The following GFOD1 variants were observed in gnomAD, a reference collection of about 807,000 sequenced individuals.
The protein encoded by GFOD1 is glucose-fructose oxidoreductase domain-containing protein 1.
A neutral mutation model predicts 25.4 loss-of-function variants in GFOD1; 9 were observed. The observed-to-expected ratio is 0.35, with a 90% CI of 0.21 to 0.62. The LOEUF (loss-of-function observed/expected upper bound fraction) is 0.62. Among genes scored for constraint, GFOD1 ranks in the 20% least tolerant of loss-of-function variants. The probability of loss-of-function intolerance (pLI) is 0.72; values close to 1 mark genes in which losing one functional copy is unlikely to be tolerated. For missense variants in GFOD1, 403 were observed against 556.9 expected (o/e 0.72, Z 2.78); for synonymous variants, 253 against 245.6 (o/e 1.03, Z -0.28).
At chr6:13,449,123 C>CA (rs893351463) in intron 1 of GFOD1, among the ~76,000 whole-genome samples, 20 of 151,790 alleles carry the variant, frequency 1.3e-4, no homozygotes, top group South Asian at 4.2e-4. Flanking sequence ...ACCGTCTCTA[C>CA]AAAAAAAACA....
intron 1 of GFOD1, among the ~76,000 whole-genome samples, chr6:13,409,304 G>A (rs1786025835): frequency 6.0e-5 from 2 of 33,480 alleles, no homozygotes; most frequent in Non-Finnish European, 1.9e-4. Flanking sequence ...AAGGAAGAAA[G>A]GAAGGAAGGA....
chr6:13,475,680 T>C (rs145641034), intron 1 of GFOD1, among the ~76,000 whole-genome samples: 19,985 of 150,190 alleles, frequency 0.13, 2,293 homozygotes, highest in African/African-American at 0.31. Flanking sequence ...ATTACGCCAT[T>C]GCACTCCAGC....
intron 1 of GFOD1, among the ~76,000 whole-genome samples, chr6:13,391,511 C>CAAAAAAAAAAAAA (rs57340590): frequency 1.9e-3 from 202 of 108,608 alleles, no homozygotes; most frequent in Non-Finnish European, 2.1e-3. Context: ...AACAAACAAA[C>CAAAAAAAAAAAAA]AAAAAAAAAA....
intron 1 of GFOD1, among the ~76,000 whole-genome samples, chr6:13,390,814 A>AGGAAGGAAGGAG (rs1785587507): frequency 6.6e-6 from 1 of 151,622 alleles, no homozygotes; most frequent in East Asian, 1.9e-4. Context: ...GAAGGAAGGA[A>AGGAAGGAAGGAG]GGAAGGAAGG....
rs891221397 is a variant in GFOD1, at chr6:13,398,405, T to C, written c.254-32743A>G. Among the ~76,000 whole-genome samples the C allele has an allele frequency of 5.9e-5, 9 of 152,328 alleles. 1 individual carries two copies. The South Asian group carries it at 1.2e-3, about 21-fold the overall frequency. On this transcript the variant is annotated intron_variant, in intron 1 of 1. Coordinates refer to ENST00000379287, the MANE Select transcript of GFOD1 (RefSeq NM_018988.4). Reference sequence around the variant, plus strand: ...CCTTTTGAAATGTTCCAAATCTTGATTGGTGGTGATTTGAGTGTACGCATT... The same window carrying C: ...CCTTTTGAAATGTTCCAAATCTTGACTGGTGGTGATTTGAGTGTACGCATT...
In GFOD1 at chr6:13,486,723, A is replaced by G; in HGVS notation, c.168T>C (p.Asp56=). 1.2e-6 allele frequency: 2 copies of G among 1,614,056 alleles called. No homozygotes were observed. ...MSVPFYTSRI[D]EVLLHQDVDL... ...CCACGTCCTGATGCAGCAGCACCTC[A>G]TCAATGCGGCTAGTGTAGAAGGGGA... Residue 56 remains aspartate, a synonymous_variant, in exon 1 of 2, where the codon GAT becomes GAC. Coordinates refer to ENST00000379287, the MANE Select transcript of GFOD1 (RefSeq NM_018988.4).
intron 1 of GFOD1, among the ~76,000 whole-genome samples, chr6:13,482,872 T>A (rs997876614): frequency 6.6e-6 from 1 of 151,814 alleles, no homozygotes; most frequent in Non-Finnish European, 1.5e-5. Flanking sequence ...TATTTGTGTA[T>A]CTCTATGTAA....
rs542843259 is a variant in GFOD1 at position 13,401,798 on chromosome 6, T to C, written c.254-36136A>G. 3.3e-5 allele frequency among the ~76,000 whole-genome samples: 5 copies of C among 152,348 alleles called. No individual in the cohort carries two copies. In the South Asian group the frequency reaches 1.0e-3, roughly 32 times the overall value. ...CAATTGCTATCAAAATTCCAGTTGC[T>C]TTCTATGTAGAAATTCACAAGCTGG... On this transcript the variant is annotated intron_variant, in intron 1 of 1. Coordinates refer to ENST00000379287, the MANE Select transcript of GFOD1 (RefSeq NM_018988.4).
intron 1 of GFOD1, among the ~76,000 whole-genome samples, chr6:13,440,344 A>G (rs1267104632): frequency 3.3e-5 from 5 of 151,810 alleles, no homozygotes; most frequent in South Asian, 2.1e-4. Flanking sequence ...ACCCACCACC[A>G]CGCTCAGCTA....
intron 1 of GFOD1, among the ~76,000 whole-genome samples, chr6:13,389,955 A>T (rs934567743): frequency 6.6e-6 from 1 of 151,928 alleles, no homozygotes; most frequent in Non-Finnish European, 1.5e-5. Context: ...CTCAGTCATC[A>T]AGTTCAAACA....
At chr6:13,478,419 G>T (rs1758675937) in intron 1 of GFOD1, among the ~76,000 whole-genome samples, 1 of 152,190 alleles carries the variant, frequency 6.6e-6, no homozygotes, top group African/African-American at 2.4e-5. Context: ...GATTACAGGC[G>T]TGGCCATCAC....
chr6:13,419,764 G>A (rs775444328), intron 1 of GFOD1, among the ~76,000 whole-genome samples: 2 of 152,052 alleles, frequency 1.3e-5, no homozygotes, highest in African/African-American at 4.8e-5. Context: ...CACCCCCTTC[G>A]CACTCACTGT....
At chr6:13,381,925 A>ATG (rs1239429113) in intron 1 of GFOD1, among the ~76,000 whole-genome samples, 96 of 139,062 alleles carry the variant, frequency 6.9e-4, no homozygotes, top group Non-Finnish European at 8.6e-4. Context: ...GCACACACAC[A>ATG]CACACACACA....
At position 13,359,465 on chromosome 6, in the gene GFOD1, T is replaced by C. The variant is rs1310121316; in HGVS notation, c.*5278A>G. 6.6e-6 allele frequency: 1 copy of C among 152,122 alleles called. No individual in the cohort carries two copies. Among genetic ancestry groups the C allele is most frequent in the African/African-American group, 2.4e-5 (1 of 41,402 alleles). 9.4% of individuals were successfully genotyped at this position (152,122 alleles called of 1,614,324 possible). ...TTAATATCTAGGAGTGGGGTGGGGA[T>C]GCAGGTGGAGGGTGAGCCAAGTAGA... is the stretch of plus-strand genomic sequence containing the variant. On this transcript the variant is annotated 3_prime_UTR_variant, in exon 2 of 2. Coordinates refer to ENST00000379287, the MANE Select transcript of GFOD1 (RefSeq NM_018988.4).
intron 1 of GFOD1, among the ~76,000 whole-genome samples, chr6:13,408,374 C>T (rs774859408): frequency 2.6e-5 from 4 of 152,166 alleles, no homozygotes; most frequent in Non-Finnish European, 5.9e-5. Flanking sequence ...TCCAGTGGAA[C>T]TTTGAGGAGG....
intron 1 of GFOD1, among the ~76,000 whole-genome samples, chr6:13,374,539 C>G (rs1785219923): frequency 6.6e-6 from 1 of 151,782 alleles, no homozygotes; most frequent in Non-Finnish European, 1.5e-5. Flanking sequence ...CTCCTGACCT[C>G]AAGTGATCTG....
intron 1 of GFOD1, among the ~76,000 whole-genome samples, chr6:13,401,387 G>A (rs73725806): frequency 0.071 from 5,258 of 74,024 alleles, 226 homozygotes; most frequent in African/African-American, 0.15. Flanking sequence ...ATTGTCATGG[G>A]TCCAGTAGTG....
At chr6:13,385,827 A>C (rs1319127960) in intron 1 of GFOD1, among the ~76,000 whole-genome samples, 1 of 152,220 alleles carries the variant, frequency 6.6e-6, no homozygotes, top group African/African-American at 2.4e-5. Context: ...GCACTTATAG[A>C]GTACATTAAA....
Position 13,361,113 on chromosome 6 carries a change from G to A in GFOD1, c.*3630C>T. The A allele has an allele frequency of 2.9e-6, 1 of 344,968 alleles. No individual in the cohort carries two copies. Among genetic ancestry groups the A allele is most frequent in the East Asian group, 7.7e-5 (1 of 12,988 alleles). 21.4% of individuals were successfully genotyped at this position (344,968 alleles called of 1,614,324 possible). A position where few individuals can be genotyped will look rare whatever the true frequency, so the allele number is the denominator to read the frequency against. On this transcript the variant is annotated 3_prime_UTR_variant, in exon 2 of 2. Transcript: ENST00000379287. ...CAAGTCTTGGAGTTGGCCAGTCTTG[G>A]AGTTGGCCAAGACTACCCTAGAGTC...
Sources: allele counts gnomAD v4.1 joint callset (sites outside exome capture counted in the v4.1 genomes callset), GRCh38; gene constraint gnomAD v4.1.1; transcripts MANE v1.5; gene names NCBI Gene and HGNC (gene_info 2026-07-23, HGNC 2026-07-21).